Variants in FHL3 observed in about 807,000 individuals in gnomAD.
FHL3 encodes four and a half LIM domains 3, also known as four and a half LIM domains protein 3.
Under a neutral mutation model 34.3 loss-of-function variants are expected in FHL3, and 21 were observed. That is an observed-to-expected ratio of 0.61 (90% CI 0.43 to 0.88). The LOEUF (loss-of-function observed/expected upper bound fraction) is 0.88. FHL3 is among the 40% of genes least tolerant of loss of function. FHL3 has a pLI of 0.00. For synonymous variants in FHL3, 137 were observed against 144.6 expected, an observed-to-expected ratio of 0.95 and a Z score of 0.38; for missense variants, 333 against 373.7, an observed-to-expected ratio of 0.89 and a Z score of 0.90.
At chr1:38,004,483 A>G (rs1023642191) in intron 1 of FHL3, among the ~76,000 whole-genome samples, 2 of 151,434 alleles carry the variant, frequency 1.3e-5, no homozygotes, top group Non-Finnish European at 2.9e-5. Flanking sequence ...CTCTGCCCCC[A>G]CTTAGTCTCA....
chr1:37,998,236 G>T, intron 3 of FHL3, 104 bp from the exon 4 acceptor site: 1 of 1,031,142 alleles, frequency 9.7e-7, no homozygotes, highest in South Asian at 1.5e-5. Context: ...GCGTGAGCAG[G>T]GTGGTGTCCG....
intron 3 of FHL3, 114 bp from the exon 4 acceptor site, chr1:37,998,246 G>T: frequency 1.1e-6 from 1 of 910,504 alleles, no homozygotes; most frequent in Non-Finnish European, 1.7e-6. Context: ...GGTGGTGTCC[G>T]TGCACATGCA....
At chr1:38,000,825 C>G (rs1399994343) in intron 1 of FHL3, among the ~76,000 whole-genome samples, 1 of 152,126 alleles carries the variant, frequency 6.6e-6, no homozygotes, top group East Asian at 1.9e-4. Flanking sequence ...GGAGAGGAAC[C>G]ACCAGGACCC....
At chr1:37,998,202 C>A in intron 3 of FHL3, 70 bp from the exon 4 acceptor site, 1 of 1,397,012 alleles carries the variant, frequency 7.2e-7, no homozygotes, top group Middle Eastern at 2.0e-4. Context: ...TGTAACTTCC[C>A]CAGGAGTCTC....
intron 3 of FHL3, 125 bp from the exon 4 acceptor site, chr1:37,998,257 G>T: frequency 1.3e-6 from 1 of 779,568 alleles, no homozygotes; most frequent in Non-Finnish European, 2.1e-6. Flanking sequence ...TGCACATGCA[G>T]CAAGAACCCC....
At chr1:37,999,181 AG>A in intron 2 of FHL3, 33 bp from the exon 3 acceptor site, 1 of 1,613,920 alleles carries the variant, frequency 6.2e-7, no homozygotes, top group South Asian at 1.1e-5. Context: ...ACTGGCACCC[AG>A]GCCTCATGGA....
intron 1 of FHL3, among the ~76,000 whole-genome samples, chr1:38,002,193 G>T (rs965240792): frequency 6.6e-6 from 1 of 151,988 alleles, no homozygotes; most frequent in East Asian, 1.9e-4. Context: ...CCACCTCCCG[G>T]GTTCAAGTGA....
Position 37,997,381 on chromosome 1 carries a change from A to C in FHL3, c.*24T>G. 1 of 1,596,112 alleles carries C rather than the reference A, an allele frequency of 6.3e-7. No homozygotes were observed. The highest frequency in any genetic ancestry group is 8.5e-7 in the Non-Finnish European group (1 of 1,177,198). On this transcript the variant is annotated 3_prime_UTR_variant, in exon 6 of 6. Transcript: ENST00000373016. This position sits in a 1 kb window ranked among gnomAD's most constrained non-coding sequence, Gnocchi z 4.3. ...ACAGTCCTGGGCCCGTGGTATGGGA[A>C]AGCCTGGGTCCAGGAGCCCTGGCTT... is the stretch of plus-strand genomic sequence containing the variant.
rs759264091 is a variant in FHL3 at position 37,997,933 on chromosome 1, T to TCCC, written c.501+29_501+30insGGG. 1 of 1,613,562 alleles carries TCCC rather than the reference T, an allele frequency of 6.2e-7. No homozygotes were observed. The highest frequency in any genetic ancestry group is 8.5e-7 in the Non-Finnish European group (1 of 1,179,812). ...ATTCCCACCCCACAACAGGCCTCACTCACCCCCACCTGGCTGGCCCAGCCC... is the reference window on the plus strand; with the variant it reads ...ATTCCCACCCCACAACAGGCCTCACTCCCCACCCCCACCTGGCTGGCCCAGCCC... On this transcript the variant is annotated intron_variant, in intron 4 of 5. Coordinates refer to ENST00000373016, the MANE Select transcript of FHL3 (RefSeq NM_004468.5). The surrounding 1 kb of genome is among the most constrained non-coding windows in gnomAD (Gnocchi z 4.3).
At position 37,999,017 on chromosome 1, in the gene FHL3, C is replaced by T. The variant is rs754661451; in HGVS notation, c.288G>A (p.Ala96=). Reference sequence around the variant, plus strand: ...CACAAGCGGAGCACTGCGAGGAAAACGCACTGCAGTAGCAGTCATTGCAGA... The same window carrying T: ...CACAAGCGGAGCACTGCGAGGAAAATGCACTGCAGTAGCAGTCATTGCAGA... ...ELLCNDCYCS[A]FSSQCSACGE... is the part of the protein sequence containing the mutation. Residue 96 remains alanine (A), a synonymous_variant, in exon 3 of 6, where the codon GCG becomes GCA. Coordinates refer to ENST00000373016, the MANE Select transcript of FHL3 (RefSeq NM_004468.5). The T allele has an allele frequency of 1.5e-5, 25 of 1,614,156 alleles. No individual in the cohort carries two copies. The East Asian group carries it at 2.0e-4, about 13-fold the overall frequency.
At chr1:38,004,476 TG>T (rs1646624226) in intron 1 of FHL3, among the ~76,000 whole-genome samples, 1 of 151,978 alleles carries the variant, frequency 6.6e-6, no homozygotes, top group Admixed American at 6.5e-5. Context: ...TAGGTCTCTC[TG>T]CCCCCACTTA....
At chr1:37,999,943 C>T (rs76026335) in intron 1 of FHL3, among the ~76,000 whole-genome samples, 1,884 of 152,322 alleles carry the variant, frequency 0.012, 83 homozygotes, top group Admixed American at 0.077. Flanking sequence ...GTGCCTGCCC[C>T]TCCTGATCCA....
Position 38,003,026 on chromosome 1 carries a change from C to T in FHL3, c.-21+2331G>A, listed in dbSNP as rs529877259. ...TACAAAAATTAACTAGGCATGGTGG[C>T]GGGCGCCTGTAAGCCCAGCTACTCA... On this transcript the variant is annotated intron_variant, in intron 1 of 5. Coordinates refer to ENST00000373016, the MANE Select transcript of FHL3 (RefSeq NM_004468.5). Among the ~76,000 whole-genome samples, 514 of 151,950 alleles carry T rather than the reference C, an allele frequency of 3.4e-3. 3 individuals are homozygous for T. Among genetic ancestry groups the T allele is most frequent in the Non-Finnish European group, 5.7e-3 (386 of 67,988 alleles).
In FHL3 at chr1:37,999,444, A is replaced by G; in HGVS notation, c.-20-12T>C. 3 of 1,611,602 alleles carry G rather than the reference A, an allele frequency of 1.9e-6. No individual in the cohort carries two copies. Among genetic ancestry groups the G allele is most frequent in the Non-Finnish European group, 2.5e-6 (3 of 1,178,886 alleles). ...AAGGGGAGAGAACCCTGTTAGGAGC[A>G]CAAGGTGGAACTGGGGTCACACAGA... is the stretch of plus-strand genomic sequence containing the variant. On this transcript the variant is annotated splice_polypyrimidine_tract_variant and intron_variant, in intron 1 of 5. Transcript: ENST00000373016.
Position 37,997,085 on chromosome 1 carries a change from A to T in FHL3, c.*320T>A. The T allele has an allele frequency of 3.9e-6, 1 of 259,172 alleles. No homozygotes were observed. Among genetic ancestry groups the T allele is most frequent in the Non-Finnish European group, 7.4e-6 (1 of 134,902 alleles). 16.1% of individuals were successfully genotyped at this position (259,172 alleles called of 1,614,324 possible). ...TAAGGGGGCCTAAGTCCCAGAGTCC[A>T]GGTTTGGAGGGCTCGGGTCTAGAGC... On this transcript the variant is annotated 3_prime_UTR_variant, in exon 6 of 6. Coordinates refer to ENST00000373016, the MANE Select transcript of FHL3 (RefSeq NM_004468.5). This position sits in a 1 kb window ranked among gnomAD's most constrained non-coding sequence, Gnocchi z 4.3.
intron 1 of FHL3, among the ~76,000 whole-genome samples, chr1:38,002,501 T>C (rs553627746): frequency 2.8e-4 from 42 of 151,286 alleles, no homozygotes; most frequent in African/African-American, 2.4e-4. Context: ...CCCAAAGTGC[T>C]GGGATTACAG....
intron 1 of FHL3, among the ~76,000 whole-genome samples, chr1:38,003,571 G>A (rs1646616037): frequency 6.6e-6 from 1 of 152,204 alleles, no homozygotes; most frequent in East Asian, 1.9e-4. Flanking sequence ...CAGGTCCACG[G>A]ATGTAGACAC....
intron 1 of FHL3, among the ~76,000 whole-genome samples, chr1:38,000,893 C>A (rs1036196249): frequency 3.3e-5 from 5 of 151,898 alleles, no homozygotes; most frequent in Non-Finnish European, 7.4e-5. Context: ...CAGGGACACA[C>A]AAAGGAATCC....
intron 1 of FHL3, among the ~76,000 whole-genome samples, chr1:38,003,164 A>G (rs1418833313): frequency 2.6e-5 from 4 of 152,250 alleles, no homozygotes; most frequent in Admixed American, 1.3e-4. Flanking sequence ...GTCTCAAAAC[A>G]AAACAAAACA....
Sources: allele counts gnomAD v4.1 joint callset (sites outside exome capture counted in the v4.1 genomes callset), GRCh38; gene constraint gnomAD v4.1.1; non-coding constraint Gnocchi (gnomAD v3.1); transcripts MANE v1.5; gene names NCBI Gene and HGNC (gene_info 2026-07-23, HGNC 2026-07-21).